ANXA4: variants seen among roughly 807,000 people sequenced by gnomAD.
ANXA4 encodes the protein annexin A4.
Under a neutral mutation model 49.8 loss-of-function variants are expected in ANXA4, and 39 were observed. The ratio of observed to expected loss-of-function variants is 0.78; its 90% confidence interval spans 0.61 to 1.02. ANXA4 has a LOEUF of 1.02. Ranked by LOEUF, ANXA4 falls within the 50% of genes least tolerant of loss-of-function variation. The probability of loss-of-function intolerance (pLI) is 0.00; values close to 1 mark genes in which losing one functional copy is unlikely to be tolerated. For synonymous variants in ANXA4, 134 were observed against 152.5 expected (o/e 0.88, Z 0.89); for missense variants, 360 against 410.1 (o/e 0.88, Z 1.05).
At chr2:69,758,914 C>A in intron 1 of ANXA4, among the ~76,000 whole-genome samples, 1 of 152,096 alleles carries the variant, frequency 6.6e-6, no homozygotes, top group East Asian at 1.9e-4. Flanking sequence ...TCGCAGATCA[C>A]CTGAAGTCAG....
chr2:69,746,419 C>A (rs561671797), intron 1 of ANXA4, among the ~76,000 whole-genome samples: 1 of 152,276 alleles, frequency 6.6e-6, no homozygotes, highest in South Asian at 2.1e-4. Context: ...ACCTCTAGAA[C>A]AATGTAGAGC....
chr2:69,644,165 T>TTCCCCCCCCCCC (rs1553424953), upstream of ANXA4, among the ~76,000 whole-genome samples: 2 of 21,116 alleles, frequency 9.5e-5, 1 homozygote, highest in Non-Finnish European at 2.5e-4. Flanking sequence ...ACAACTAAGT[T>TTCCCCCCCCCCC]CCCCCCCCCC....
At chr2:69,716,634 C>G (rs886968143) in intron 2 of ANXA4, among the ~76,000 whole-genome samples, 1 of 151,938 alleles carries the variant, frequency 6.6e-6, no homozygotes, top group Admixed American at 6.6e-5. Context: ...GAAGATCACT[C>G]GGGAGAACGG....
rs188607761 is a variant in ANXA4 at position 69,695,924 on chromosome 2, A to C, written n.767-24850A>C. Among the ~76,000 whole-genome samples the C allele has an allele frequency of 7.9e-5, 12 of 152,278 alleles. No individual in the cohort carries two copies. In the South Asian group the frequency reaches 1.2e-3, roughly 16 times the overall value. On this transcript the variant is annotated intron_variant and non_coding_transcript_variant, in intron 2 of 3. Transcript: ENST00000418066. ...TACTTTTTTGCTAAAAAAAAATGTT[A>C]ACAGTCATCTGAGCCTTTAGTGAGT...
chr2:69,766,726 A>G (rs779586334), intron 1 of ANXA4, among the ~76,000 whole-genome samples: 1 of 152,180 alleles, frequency 6.6e-6, no homozygotes, highest in Non-Finnish European at 1.5e-5. Context: ...TGTGTTGCCC[A>G]CAGTGCCAGC....
exon 1 of ANXA4, chr2:69,644,641 G>C (rs993471255): frequency 2.0e-5 from 3 of 152,180 alleles, no homozygotes; most frequent in Non-Finnish European, 2.9e-5. Flanking sequence ...GACCCAGCCC[G>C]TTGGCTTGAC....
At chr2:69,654,806 A>C (rs1676375517) in intron 2 of ANXA4, among the ~76,000 whole-genome samples, 1 of 152,370 alleles carries the variant, frequency 6.6e-6, no homozygotes, top group South Asian at 2.1e-4. Flanking sequence ...CCAAAACAGC[A>C]TAGTACTGGT....
chr2:69,669,540 G>A (rs1677079810), intron 2 of ANXA4, among the ~76,000 whole-genome samples: 1 of 151,624 alleles, frequency 6.6e-6, no homozygotes, highest in Admixed American at 6.6e-5. Context: ...GAACCCAGGC[G>A]GCAGAGGTTG....
At chr2:69,679,812 C>A (rs1334827500) in intron 2 of ANXA4, among the ~76,000 whole-genome samples, 1 of 152,154 alleles carries the variant, frequency 6.6e-6, no homozygotes, top group Non-Finnish European at 1.5e-5. Flanking sequence ...AATCAGTTGG[C>A]TGGAAATAAG....
intron 2 of ANXA4, among the ~76,000 whole-genome samples, chr2:69,701,595 A>G (rs1043773296): frequency 1.3e-5 from 2 of 152,142 alleles, no homozygotes; most frequent in African/African-American, 4.8e-5. Context: ...ATGTATTTTA[A>G]ATTTGCAGAC....
chr2:69,792,937 T>C (rs1472615232), intron 3 of ANXA4, among the ~76,000 whole-genome samples: 6 of 152,216 alleles, frequency 3.9e-5, no homozygotes, highest in Non-Finnish European at 8.8e-5. Context: ...GGCACGTTGA[T>C]AGTTTTTAAA....
At chr2:69,651,827 G>C (rs1222032311) in intron 1 of ANXA4, among the ~76,000 whole-genome samples, 43 of 45,174 alleles carry the variant, frequency 9.5e-4, no homozygotes, top group African/African-American at 3.9e-3. Context: ...TGGGGGGGGG[G>C]GGCGGGGAGA....
intron 2 of ANXA4, among the ~76,000 whole-genome samples, chr2:69,658,604 T>C (rs1237272620): frequency 2.7e-5 from 4 of 150,284 alleles, no homozygotes; most frequent in Non-Finnish European, 4.5e-5. Context: ...ATAGAAATAA[T>C]GTTCATTTCA....
chr2:69,669,904 T>G (rs1447232511), intron 2 of ANXA4, among the ~76,000 whole-genome samples: 1 of 152,162 alleles, frequency 6.6e-6, no homozygotes, highest in East Asian at 1.9e-4. Flanking sequence ...CTTATTTTAC[T>G]GATAAGTGCC....
intron 9 of ANXA4, 78 bp downstream of exon 9, chr2:69,816,272 C>T (rs1673989352): frequency 1.7e-6 from 2 of 1,172,288 alleles, no homozygotes; most frequent in South Asian, 2.6e-5. Flanking sequence ...TAGTTGATAA[C>T]CTTCCTCCTT....
chr2:69,691,206 C>T (rs1443459159), intron 2 of ANXA4, among the ~76,000 whole-genome samples: 1 of 151,820 alleles, frequency 6.6e-6, no homozygotes, highest in Non-Finnish European at 1.5e-5. Context: ...TCACTGCAAC[C>T]TCTGCCTCCC....
Position 69,826,424 on chromosome 2 carries a change from A to ATTT in ANXA4, c.*909_*910insTTT, listed in dbSNP as rs1674474153. 4 of 152,766 alleles carry ATTT rather than the reference A, an allele frequency of 2.6e-5. No homozygotes were observed. The highest frequency in any genetic ancestry group is 3.9e-4 in the East Asian group (2 of 5,192). 9.5% of individuals were successfully genotyped at this position (152,766 alleles called of 1,614,324 possible). ...CCTTTCAACTCCAGAAACATTCTGA[A>ATTT]GATGTACTTGGATTTAATTAAAAAG... On this transcript the variant is annotated 3_prime_UTR_variant, in exon 13 of 13. Transcript: ENST00000394295.
intron 1 of ANXA4, among the ~76,000 whole-genome samples, chr2:69,778,273 A>G (rs1672041460): frequency 6.6e-6 from 1 of 152,190 alleles, no homozygotes; most frequent in African/African-American, 2.4e-5. Flanking sequence ...TTGGTGGCAA[A>G]GAGGTTGAAT....
chr2:69,771,078 G>A (rs1275847317), intron 1 of ANXA4, among the ~76,000 whole-genome samples: 2 of 142,412 alleles, frequency 1.4e-5, no homozygotes, highest in Non-Finnish European at 1.5e-5. Flanking sequence ...TGGGCAACAG[G>A]GCAAGACCCT....
Sources: gnomAD v4.1 joint callset for allele counts (sites outside exome capture counted in the v4.1 genomes callset) on GRCh38, gnomAD v4.1.1 for gene constraint, MANE v1.5 for transcripts, NCBI Gene and HGNC (gene_info 2026-07-23, HGNC 2026-07-21) for gene names.